ASH1L: variants seen among roughly 807,000 people sequenced by gnomAD.
The protein encoded by ASH1L is histone-lysine N-methyltransferase ASH1L.
A neutral mutation model predicts 269.0 loss-of-function variants in ASH1L; 23 were observed. That is an observed-to-expected ratio of 0.09 (90% CI 0.06 to 0.12). ASH1L has a LOEUF of 0.12. Among genes scored for constraint, ASH1L ranks in the 10% least tolerant of loss-of-function variants. ASH1L has a pLI of 1.00. For missense variants in ASH1L, 2,912 were observed against 3,567.8 expected, an observed-to-expected ratio of 0.82 and a Z score of 4.68; for synonymous variants, 1,187 against 1,253.5, an observed-to-expected ratio of 0.95 and a Z score of 1.12.
In ASH1L at chr1:155,343,287, A is replaced by AT; in HGVS notation, c.8293+26dup. ...TGAGCCACTGCACTTGGCCGAGGTC[A>AT]TTTTTTAACTAGCCCAGATCACTTA... On this transcript the variant is annotated intron_variant, in intron 24 of 27. Transcript: ENST00000392403. The surrounding 1 kb of genome is among the most constrained non-coding windows in gnomAD (Gnocchi z 6.1). The AT allele has an allele frequency of 1.3e-6, 2 of 1,594,402 alleles. No homozygotes were observed. The highest frequency in any genetic ancestry group is 1.7e-6 in the Non-Finnish European group (2 of 1,169,418).
chr1:155,513,299 G>C (rs545540454), intron 2 of ASH1L, among the ~76,000 whole-genome samples: 56 of 152,048 alleles, frequency 3.7e-4, no homozygotes, highest in Middle Eastern at 3.4e-3. Context: ...CAGGCACAGT[G>C]GCTCACATGT....
At chr1:155,498,335 A>T (rs1334719299) in intron 2 of ASH1L, among the ~76,000 whole-genome samples, 1 of 151,768 alleles carries the variant, frequency 6.6e-6, no homozygotes, top group South Asian at 2.1e-4. Flanking sequence ...AAACAATGTA[A>T]ATGTACTTAA....
At chr1:155,550,587 T>C (rs1336835334) in intron 1 of ASH1L, among the ~76,000 whole-genome samples, 2 of 152,176 alleles carry the variant, frequency 1.3e-5, no homozygotes, top group African/African-American at 4.8e-5. Flanking sequence ...CCCAGATAGT[T>C]GCACTGGGTC....
intron 25 of ASH1L, among the ~76,000 whole-genome samples, chr1:155,340,356 T>C (rs1652682743): frequency 6.6e-6 from 1 of 152,104 alleles, no homozygotes; most frequent in Non-Finnish European, 1.5e-5. Flanking sequence ...CTAATTTTTG[T>C]ATTTTTAGTA....
chr1:155,521,631 T>C lies in ASH1L; in HGVS notation c.-99-13A>G. On this transcript the variant is annotated splice_polypyrimidine_tract_variant and intron_variant, in intron 1 of 27. Transcript: ENST00000392403. ...CCAGCATCTTTCTCTGCAGAACAGA[T>C]CATAACAAAAATTTATCAGAAAAGA... 1 of 1,024,918 alleles carries C rather than the reference T, an allele frequency of 9.8e-7. No individual in the cohort carries two copies. The highest frequency in any genetic ancestry group is 1.7e-5 in the South Asian group (1 of 59,238). 63.5% of individuals were successfully genotyped at this position (1,024,918 alleles called of 1,614,324 possible). A position where few individuals can be genotyped will look rare whatever the true frequency, so the allele number is the denominator to read the frequency against.
At chr1:155,433,750 G>A (rs1219534421) in intron 5 of ASH1L, 1 of 1,604,008 alleles carries the variant, frequency 6.2e-7, no homozygotes, top group Non-Finnish European at 8.5e-7. Flanking sequence ...TTGAGGGTCT[G>A]CAGCTTAGCT....
intron 2 of ASH1L, among the ~76,000 whole-genome samples, chr1:155,506,130 T>C (rs2148806795): frequency 6.6e-6 from 1 of 152,354 alleles, no homozygotes; most frequent in South Asian, 2.1e-4. Context: ...AGAATGATGG[T>C]TTCCAGCTTC....
rs545242173 is a variant in ASH1L, at chr1:155,481,885, T to C, written c.985A>G (p.Thr329Ala). Reference protein sequence around the residue: ...KNLGKKPGTITTVGLLSKDSG... With the variant: ...KNLGKKPGTIATVGLLSKDSG... ...TCTTTGCTTAGCAGTCCTACTGTAGTGATAGTTCCTGGCTTTTTGCCTAAG... is the reference window on the plus strand; with the variant it reads ...TCTTTGCTTAGCAGTCCTACTGTAGCGATAGTTCCTGGCTTTTTGCCTAAG... Residue 329 changes from threonine (T) to alanine (A), a missense_variant, in exon 3 of 28, where the codon ACT becomes GCT. Physicochemically the swap from Thr to Ala is moderately conservative, Grantham distance 58 (BLOSUM62 0). Transcript: ENST00000392403. The C allele has an allele frequency of 6.2e-7, 1 of 1,614,194 alleles. No homozygotes were observed. The highest frequency in any genetic ancestry group is 1.1e-5 in the South Asian group (1 of 91,082).
At chr1:155,551,521 G>A (rs184641162) in intron 1 of ASH1L, among the ~76,000 whole-genome samples, 3,966 of 150,186 alleles carry the variant, frequency 0.026, 179 homozygotes, top group African/African-American at 0.093. Context: ...TTAGCCGGGC[G>A]TAGTGGCGGG....
At chr1:155,409,120 G>A (rs1384350181) in intron 6 of ASH1L, among the ~76,000 whole-genome samples, 1 of 152,056 alleles carries the variant, frequency 6.6e-6, no homozygotes, top group Admixed American at 6.6e-5. Context: ...TGCTTCCTGG[G>A]TTCAAGCGAT....
intron 3 of ASH1L, among the ~76,000 whole-genome samples, chr1:155,471,296 G>A (rs919071624): frequency 3.3e-5 from 5 of 152,244 alleles, no homozygotes; most frequent in Non-Finnish European, 7.3e-5. Flanking sequence ...CCAAGTGACA[G>A]GAATGTCTCT....
At position 155,354,567 on chromosome 1, in the gene ASH1L, C is replaced by A; in HGVS notation, c.7119G>T (p.Gln2373His). 1.2e-6 allele frequency: 2 copies of A among 1,613,982 alleles called. No individual in the cohort carries two copies. Among genetic ancestry groups the A allele is most frequent in the Non-Finnish European group, 1.7e-6 (2 of 1,179,996 alleles). ...TATCACTGGTGTGCTTTACTTCCTC[C>A]TGTTTTTGACGAATCTTCTCCCAGT... ...VRNWEKIRQK[Q>H]EEVKHTSDNI... The change falls in exon 16 of 28, where the codon CAG (glutamine) becomes CAT (histidine). Residue 2373 changes from glutamine to histidine, a missense_variant. Physicochemically the swap from Gln to His is conservative, Grantham distance 24 (BLOSUM62 0). Around this residue, in one of 13 missense-constraint regions of ASH1L, gnomAD observed 309 missense variants for 435.1 expected, o/e 0.71. Transcript: ENST00000392403.
At chr1:155,411,586 A>AATAAATATATATATATATATATAT (rs1297131961) in intron 6 of ASH1L, among the ~76,000 whole-genome samples, 61 of 55,064 alleles carry the variant, frequency 1.1e-3, no homozygotes, top group South Asian at 1.7e-3. Flanking sequence ...TAAATAAATA[A>AATAAATATATATATATATATATAT]ATATATATAT....
intron 2 of ASH1L, among the ~76,000 whole-genome samples, chr1:155,512,336 G>T (rs1430519100): frequency 6.6e-6 from 1 of 151,370 alleles, no homozygotes; most frequent in African/African-American, 2.4e-5. Context: ...AGAATGGCTT[G>T]AACCTGGGCA....
rs1656194534 is a variant in ASH1L, at chr1:155,373,831, T to C, written c.6333-2848A>G. Among the ~76,000 whole-genome samples, 4 of 151,976 alleles carry C rather than the reference T, an allele frequency of 2.6e-5. No individual in the cohort carries two copies. In the South Asian group the frequency reaches 8.3e-4, roughly 32 times the overall value. The stretch of plus-strand genomic sequence containing the variant: ...TATAGGCACACGCCACCATGCCCAG[T>C]TGATGTTTTGTATTTTTAGTAAAGA... On this transcript the variant is annotated intron_variant, in intron 10 of 27. Coordinates refer to ENST00000392403, the MANE Select transcript of ASH1L (RefSeq NM_018489.3).
intron 7 of ASH1L, among the ~76,000 whole-genome samples, chr1:155,381,170 CATAATACTTG>C (rs1376065437): frequency 1.3e-5 from 2 of 152,118 alleles, no homozygotes; most frequent in African/African-American, 2.4e-5. Context: ...AGGTATAATA[CATAATACTTG>C]ATAAAATGTC....
intron 1 of ASH1L, among the ~76,000 whole-genome samples, chr1:155,553,516 T>C (rs997099801): frequency 6.6e-6 from 1 of 152,188 alleles, no homozygotes; most frequent in Admixed American, 6.5e-5. Flanking sequence ...CAAATTACAG[T>C]GCACTCATCC....
chr1:155,476,390 T>TA (rs1233478113), intron 3 of ASH1L, among the ~76,000 whole-genome samples: 1 of 150,924 alleles, frequency 6.6e-6, no homozygotes, highest in Non-Finnish European at 1.5e-5. Context: ...CGTCTCAAAA[T>TA]AAAAAAATGA....
chr1:155,378,465 C>T (rs1472719253), intron 9 of ASH1L, 38 bp downstream of exon 9: 7 of 1,610,354 alleles, frequency 4.3e-6, no homozygotes, highest in East Asian at 2.2e-5. Context: ...AGAACATTAA[C>T]GTATAGAGGC....
Sources: allele counts gnomAD v4.1 joint callset (sites outside exome capture counted in the v4.1 genomes callset), GRCh38; gene constraint gnomAD v4.1.1; regional missense constraint gnomAD v4.1.1; non-coding constraint Gnocchi (gnomAD v3.1); transcripts MANE v1.5; gene names NCBI Gene and HGNC (gene_info 2026-07-23, HGNC 2026-07-21).